TRAPPC8: variants seen among roughly 807,000 people sequenced by gnomAD.
TRAPPC8 encodes the protein trafficking protein particle complex subunit 8.
TRAPPC8 carries 54 observed loss-of-function variants against 174.3 expected under a neutral mutation model. That is an observed-to-expected ratio of 0.31 (90% CI 0.25 to 0.39). The LOEUF is 0.39. TRAPPC8 is among the 10% of genes least tolerant of loss of function. The pLI, the probability that TRAPPC8 is intolerant of heterozygous loss-of-function variation, is 1.00. For synonymous variants in TRAPPC8, 630 were observed against 579.9 expected, an observed-to-expected ratio of 1.09 and a Z score of -1.24; for missense variants, 1,531 against 1,699.1, an observed-to-expected ratio of 0.90 and a Z score of 1.74.
At chr18:31,885,679 A>G (rs1334572672) in intron 12 of TRAPPC8, among the ~76,000 whole-genome samples, 1 of 151,740 alleles carries the variant, frequency 6.6e-6, no homozygotes. Flanking sequence ...ACCAACATGG[A>G]GAAACCCTGT....
At chr18:31,832,338 A>G (rs1226980955) in intron 27 of TRAPPC8, 165 bp from the exon 28 acceptor site, 1 of 279,932 alleles carries the variant, frequency 3.6e-6, no homozygotes, top group Non-Finnish European at 6.5e-6. Context: ...GACAAATTAT[A>G]TTGTAAATAA....
At chr18:31,924,374 G>C (rs1470444109) in intron 2 of TRAPPC8, among the ~76,000 whole-genome samples, 1 of 150,034 alleles carries the variant, frequency 6.7e-6, no homozygotes, top group Non-Finnish European at 1.5e-5. Flanking sequence ...AGAACTGCTT[G>C]AACTAGGAGG....
At chr18:31,909,323 A>G (rs1315812813) in intron 6 of TRAPPC8, among the ~76,000 whole-genome samples, 2 of 152,190 alleles carry the variant, frequency 1.3e-5, no homozygotes, top group African/African-American at 2.4e-5. Context: ...AAGAAAAAAT[A>G]TAACAAAAAA....
intron 16 of TRAPPC8, 127 bp from the exon 17 acceptor site, chr18:31,867,603 A>T (rs1231130442): frequency 3.7e-6 from 2 of 544,240 alleles, no homozygotes; most frequent in East Asian, 6.4e-5. Flanking sequence ...TTTTTACCAC[A>T]TGCTGAGCTC....
At chr18:31,883,763 T>A (rs905531132) in intron 12 of TRAPPC8, 2 of 152,178 alleles carry the variant, frequency 1.3e-5, no homozygotes, top group Admixed American at 6.5e-5. Flanking sequence ...CCAAAAGTGG[T>A]AACAGTTCTA....
At position 31,830,651 on chromosome 18, in the gene TRAPPC8, G is replaced by A. The variant is rs538237993; in HGVS notation, c.*104C>T. 13 of 942,222 alleles carry A rather than the reference G, an allele frequency of 1.4e-5. No individual in the cohort carries two copies. Among genetic ancestry groups the A allele is most frequent in the Non-Finnish European group, 2.1e-5 (13 of 633,428 alleles). The allele number at this position is 942,222 out of a possible 1,614,324, so 58.4% of individuals were successfully genotyped here. A position where few individuals can be genotyped will look rare whatever the true frequency, so the allele number is the denominator to read the frequency against. On this transcript the variant is annotated 3_prime_UTR_variant, in exon 29 of 29. Coordinates refer to ENST00000283351, the MANE Select transcript of TRAPPC8 (RefSeq NM_014939.5). ...AAGTCAAAGTATTTTGCAGGGATCA[G>A]ATATCAATCAACCTCCATAACAAGT...
chr18:31,898,652 G>A (rs1454718678), intron 10 of TRAPPC8, among the ~76,000 whole-genome samples: 1 of 152,202 alleles, frequency 6.6e-6, no homozygotes, highest in African/African-American at 2.4e-5. Context: ...GCTGGAGATG[G>A]CTTACAGCCA....
intron 2 of TRAPPC8, among the ~76,000 whole-genome samples, chr18:31,921,899 T>C (rs1316150528): frequency 2.0e-5 from 3 of 152,194 alleles, no homozygotes; most frequent in African/African-American, 7.2e-5. Flanking sequence ...GCCTGAAAAT[T>C]GAATAAAATC....
At chr18:31,930,607 G>A (rs1467951524) in intron 2 of TRAPPC8, among the ~76,000 whole-genome samples, 3 of 152,022 alleles carry the variant, frequency 2.0e-5, no homozygotes, top group Non-Finnish European at 4.4e-5. Context: ...AAAACAGTTA[G>A]ACCAAATACT....
chr18:31,836,354 G>C (rs1276919289), intron 27 of TRAPPC8, among the ~76,000 whole-genome samples: 3 of 152,124 alleles, frequency 2.0e-5, no homozygotes, highest in African/African-American at 7.2e-5. Flanking sequence ...TTCTACTTTA[G>C]TTTGATCAAA....
intron 1 of TRAPPC8, among the ~76,000 whole-genome samples, chr18:31,941,808 G>T (rs752776953): frequency 4.6e-5 from 7 of 151,654 alleles, no homozygotes; most frequent in Non-Finnish European, 1.0e-4. Flanking sequence ...TTTGTTGTTT[G>T]CAAGATATTG....
intron 19 of TRAPPC8, among the ~76,000 whole-genome samples, chr18:31,859,646 A>G (rs1390230580): frequency 6.6e-6 from 1 of 152,232 alleles, no homozygotes; most frequent in African/African-American, 2.4e-5. Flanking sequence ...GATAGAACAC[A>G]TAAAAGACTA....
chr18:31,893,026 GA>G lies in TRAPPC8; in HGVS notation c.1597-2161del, dbSNP rs75962728. Among the ~76,000 whole-genome samples, 215 of 135,948 alleles carry G rather than the reference GA, an allele frequency of 1.6e-3. 2 individuals carry two copies. Among genetic ancestry groups the G allele is most frequent in the African/African-American group, 4.0e-3 (153 of 38,518 alleles). 89.2% of individuals were successfully genotyped at this position (135,948 alleles called of 152,430 possible). ...AATGACGCCTTGTCTCAAAAAAAGG[GA>G]AAAAAAAAAAAAAACAACATCTTGT... On this transcript the variant is annotated intron_variant, in intron 11 of 28. Transcript: ENST00000283351.
intron 12 of TRAPPC8, among the ~76,000 whole-genome samples, chr18:31,878,740 T>C (rs1037830050): frequency 6.6e-6 from 1 of 152,088 alleles, no homozygotes; most frequent in Non-Finnish European, 1.5e-5. Context: ...CTATCTTCTG[T>C]GTAACGAGAT....
At chr18:31,845,854 A>G (rs976308637) in intron 26 of TRAPPC8, among the ~76,000 whole-genome samples, 5 of 152,208 alleles carry the variant, frequency 3.3e-5, no homozygotes, top group African/African-American at 1.2e-4. Flanking sequence ...ATACAGGGCC[A>G]TTGTTTGAAT....
At position 31,846,697 on chromosome 18, in the gene TRAPPC8, A is replaced by T. The variant is rs775040856; in HGVS notation, c.3837+19T>A. 18 of 1,561,782 alleles carry T rather than the reference A, an allele frequency of 1.2e-5. No homozygotes were observed. Among genetic ancestry groups the T allele is most frequent in the Admixed American group, 1.9e-5 (1 of 52,146 alleles). ...CCCACAAGTTCACCAGAAAGCTCCA[A>T]AGCAAACTATGTTATCACCTGTTTC... On this transcript the variant is annotated intron_variant, in intron 26 of 28. Transcript: ENST00000283351.
chr18:31,942,872 G>A lies in TRAPPC8; in HGVS notation c.-108C>T. On this transcript the variant is annotated 5_prime_UTR_variant, in exon 1 of 29. Transcript: ENST00000283351. ...GCCCGCCGGCCTGGCCCGGCCGGGC[G>A]GGGCCCCGAACGCACTGGAGCCTAG... 3 of 1,256,058 alleles carry A rather than the reference G, an allele frequency of 2.4e-6. No individual in the cohort carries two copies. The highest frequency in any genetic ancestry group is 3.0e-6 in the Non-Finnish European group (3 of 1,000,132). The allele number at this position is 1,256,058 out of a possible 1,614,324, so 77.8% of individuals were successfully genotyped here.
intron 13 of TRAPPC8, chr18:31,873,799 T>C (rs2035009746): frequency 6.0e-6 from 2 of 333,556 alleles, no homozygotes; most frequent in Non-Finnish European, 1.1e-5. Flanking sequence ...CTTATTTTAG[T>C]AAGCGTTTTA....
In TRAPPC8 at chr18:31,853,831, C is replaced by T. The variant is rs1479890240; in HGVS notation, c.3433+18G>A. 1 of 1,575,448 alleles carries T rather than the reference C, an allele frequency of 6.3e-7. No homozygotes were observed. The highest frequency in any genetic ancestry group is 8.6e-7 in the Non-Finnish European group (1 of 1,158,430). ...TGAAGTTTCAAAATTTATTATGTAG[C>T]AGGAAAAACAAACAAACCTTTGTTT... is the stretch of plus-strand genomic sequence containing the variant. On this transcript the variant is annotated intron_variant, in intron 22 of 28. Transcript: ENST00000283351.
Sources: gnomAD v4.1 joint callset for allele counts (sites outside exome capture counted in the v4.1 genomes callset) on GRCh38, gnomAD v4.1.1 for gene constraint, MANE v1.5 for transcripts, NCBI Gene and HGNC (gene_info 2026-07-23, HGNC 2026-07-21) for gene names.